DEPDC5: variants seen among roughly 807,000 people sequenced by gnomAD.
DEPDC5 encodes the protein GATOR1 complex protein DEPDC5.
DEPDC5 carries 73 observed loss-of-function variants against 217.3 expected under a neutral mutation model. That is an observed-to-expected ratio of 0.34 (90% CI 0.28 to 0.41). The LOEUF (loss-of-function observed/expected upper bound fraction) is 0.41, where lower values mean the gene tolerates loss of function less well. Ranked by LOEUF, DEPDC5 falls within the 10% of genes least tolerant of loss-of-function variation. The pLI is 1.00. For synonymous variants in DEPDC5, 733 were observed against 756.7 expected (o/e 0.97, Z 0.51); for missense variants, 1,675 against 2,070.1 (o/e 0.81, Z 3.70).
At chr22:31,904,392 G>A (rs546185658) in intron 41 of DEPDC5, among the ~76,000 whole-genome samples, 238 of 152,260 alleles carry the variant, frequency 1.6e-3, no homozygotes, top group African/African-American at 4.4e-3. Flanking sequence ...AATTACTCTG[G>A]TAAAAAAAAA....
intron 37 of DEPDC5, among the ~76,000 whole-genome samples, chr22:31,878,766 C>T (rs1476331505): frequency 3.3e-5 from 5 of 151,766 alleles, no homozygotes; most frequent in Non-Finnish European, 7.4e-5. Context: ...GGGCCGGGTA[C>T]GGTGACACAC....
chr22:31,778,337 A>G (rs952590832), intron 8 of DEPDC5, among the ~76,000 whole-genome samples, 169 bp downstream of exon 8: 1 of 152,030 alleles, frequency 6.6e-6, no homozygotes, highest in Non-Finnish European at 1.5e-5. Context: ...CCTGTACAAA[A>G]ATTAGCCAGG....
intron 4 of DEPDC5, among the ~76,000 whole-genome samples, chr22:31,761,044 C>T (rs112680305): frequency 0.023 from 3,430 of 151,284 alleles, 143 homozygotes; most frequent in African/African-American, 0.08. Flanking sequence ...TGCAGTGGCG[C>T]GATCTCGGCT....
chr22:31,837,435 C>G, intron 26 of DEPDC5: 1 of 448,586 alleles, frequency 2.2e-6, no homozygotes, highest in East Asian at 3.4e-5. Context: ...ACTGCAGCCT[C>G]TACCTCCTGA....
At chr22:31,857,734 C>A (rs2092358718) in intron 32 of DEPDC5, 181 bp downstream of exon 32, 1 of 515,434 alleles carries the variant, frequency 1.9e-6, no homozygotes, top group Non-Finnish European at 3.4e-6. Flanking sequence ...TTCTTATTCA[C>A]AGTTGTAAGG....
intron 29 of DEPDC5, 147 bp from the exon 30 acceptor site, chr22:31,844,871 C>T (rs2091630971): frequency 1.2e-6 from 1 of 847,182 alleles, no homozygotes; most frequent in Admixed American, 2.5e-5. Context: ...CTTGTATTTT[C>T]AACAAAGCCA....
At position 31,781,807 on chromosome 22, in the gene DEPDC5, G is replaced by A. The variant is rs527242620; in HGVS notation, c.484-2100G>A. 3.9e-4 allele frequency among the ~76,000 whole-genome samples: 59 copies of A among 152,298 alleles called. 1 individual carries two copies. In the East Asian group the frequency reaches 9.1e-3, roughly 23 times the overall value. On this transcript the variant is annotated intron_variant, in intron 8 of 42. Coordinates refer to ENST00000651528, the MANE Select transcript of DEPDC5 (RefSeq NM_001242896.3). ...CCAGGACTTTGAGAGGCCGAGGTGG[G>A]GGGGATTGCTTGAGCCCAGGAGATT...
intron 38 of DEPDC5, chr22:31,891,534 G>A (rs2149365743): frequency 5.6e-6 from 1 of 179,164 alleles, no homozygotes; most frequent in South Asian, 1.1e-4. Context: ...TGACCTAGCT[G>A]GAGCTCTCCT....
At chr22:31,771,715 T>TCTCACA (rs1556538892) in intron 7 of DEPDC5, among the ~76,000 whole-genome samples, 2 of 78,090 alleles carry the variant, frequency 2.6e-5, no homozygotes, top group South Asian at 4.2e-4. Context: ...CAAGACTCCG[T>TCTCACA]CACACACACA....
At chr22:31,783,120 CCAATCAGCACTCTGTAAAATGGAA>C (rs1287742010) in intron 8 of DEPDC5, among the ~76,000 whole-genome samples, 1 of 152,062 alleles carries the variant, frequency 6.6e-6, no homozygotes, top group Non-Finnish European at 1.5e-5. Context: ...TGTAAATGCA[CCAATCAGCACTCTGTAAAATGGAA>C]CAATCAGCGC....
chr22:31,860,559 C>T (rs541184373), intron 32 of DEPDC5, among the ~76,000 whole-genome samples: 8 of 152,208 alleles, frequency 5.3e-5, no homozygotes, highest in East Asian at 1.9e-4. Flanking sequence ...AAAAGTCCTC[C>T]GTGTCATTTT....
At chr22:31,768,063 T>A (rs2082982864) in intron 6 of DEPDC5, among the ~76,000 whole-genome samples, 1 of 151,134 alleles carries the variant, frequency 6.6e-6, no homozygotes, top group African/African-American at 2.4e-5. Context: ...TAAAAAAAAA[T>A]ATTTTTATTA....
chr22:31,754,969 T>C lies in DEPDC5; in HGVS notation c.48T>C (p.Phe16=). The C allele has an allele frequency of 6.2e-7, 1 of 1,614,168 alleles. No individual in the cohort carries two copies. Among genetic ancestry groups the C allele is most frequent in the Non-Finnish European group, 8.5e-7 (1 of 1,180,016 alleles). Residue 16 remains phenylalanine (F), a synonymous_variant, in exon 2 of 43, where the codon TTT becomes TTC. Transcript: ENST00000651528. The part of the protein sequence containing the change: ...VYKLVIHKKG[F]GGSDDELVVN... ...AACTCGTCATCCACAAGAAGGGCTT[T>C]GGGGGCAGTGGTCAGTATCGATTGG...
In DEPDC5 at chr22:31,876,319, A is replaced by G. The variant is rs1002868696; in HGVS notation, c.3805+54A>G. ...ACAGGGGCAAGTGTTTTTCCTGGTG[A>G]CTTGCTCTTTCACATGATGGTGCTT... is the stretch of plus-strand genomic sequence containing the variant. On this transcript the variant is annotated intron_variant, in intron 37 of 42. Transcript: ENST00000651528. 5 of 1,422,890 alleles carry G rather than the reference A, an allele frequency of 3.5e-6. No individual in the cohort carries two copies. In the African/African-American group the frequency reaches 7.1e-5, roughly 20 times the overall value. 88.1% of individuals were successfully genotyped at this position (1,422,890 alleles called of 1,614,324 possible). A position where few individuals can be genotyped will look rare whatever the true frequency, so the allele number is the denominator to read the frequency against.
rs1000170120 is a variant in DEPDC5 at position 31,754,771 on chromosome 22, G to T, written c.-60-91G>T. On this transcript the variant is annotated intron_variant, in intron 1 of 42. Transcript: ENST00000651528. ...CACTTGGCACCACTTCACAGCAGAGGAACACCAGTATCTTCACTGGCCTAA... is the reference window on the plus strand; with the variant it reads ...CACTTGGCACCACTTCACAGCAGAGTAACACCAGTATCTTCACTGGCCTAA... The T allele has an allele frequency of 3.2e-5, 25 of 793,072 alleles. No individual in the cohort carries two copies. In the Middle Eastern group the frequency reaches 1.9e-3, roughly 60 times the overall value. 49.1% of individuals were successfully genotyped at this position (793,072 alleles called of 1,614,324 possible).
chr22:31,778,481 C>T (rs1277851454), intron 8 of DEPDC5, among the ~76,000 whole-genome samples: 1 of 152,024 alleles, frequency 6.6e-6, no homozygotes, highest in Non-Finnish European at 1.5e-5. Context: ...AGAGCAAGAC[C>T]CCATCTCAAA....
chr22:31,770,385 G>GT lies in DEPDC5; in HGVS notation c.413+1533dup, dbSNP rs995820943. On this transcript the variant is annotated intron_variant, in intron 7 of 42. Coordinates refer to ENST00000651528, the MANE Select transcript of DEPDC5 (RefSeq NM_001242896.3). ...AATCATATTTATGTCTTGTTTTTTT[G>GT]TTTTTTTTTTTCTGAGACAGAGTCT... Among the ~76,000 whole-genome samples, 410 of 144,988 alleles carry GT rather than the reference G, an allele frequency of 2.8e-3. 3 individuals carry two copies. The highest frequency in any genetic ancestry group is 7.6e-3 in the African/African-American group (304 of 39,768).
At chr22:31,812,827 G>A (rs918618188) in intron 20 of DEPDC5, among the ~76,000 whole-genome samples, 2 of 147,162 alleles carry the variant, frequency 1.4e-5, no homozygotes, top group Non-Finnish European at 3.0e-5. Flanking sequence ...CACAACCTCC[G>A]CCTCCCAGGT....
chr22:31,846,149 C>G lies in DEPDC5; in HGVS notation c.3022-685C>G, dbSNP rs958848311. 2.6e-5 allele frequency among the ~76,000 whole-genome samples: 4 copies of G among 152,152 alleles called. No individual in the cohort carries two copies. In the East Asian group the frequency reaches 7.7e-4, roughly 29 times the overall value. ...TTGATAGTCATGTTCTCCCCCATCT[C>G]TAATCCCTGGCAACCACTGGTGTGT... On this transcript the variant is annotated intron_variant, in intron 30 of 42. Transcript: ENST00000651528.
Sources: gnomAD v4.1 joint callset for allele counts (sites outside exome capture counted in the v4.1 genomes callset) on GRCh38, gnomAD v4.1.1 for gene constraint, MANE v1.5 for transcripts, NCBI Gene and HGNC (gene_info 2026-07-23, HGNC 2026-07-21) for gene names.